Variants in LRRC37A2 observed in about 807,000 individuals in gnomAD.
LRRC37A2 encodes leucine-rich repeat-containing protein 37A2.
In LRRC37A2, 9 loss-of-function variants were observed where a neutral mutation model predicts 68.8. The ratio of observed to expected loss-of-function variants is 0.13; its 90% CI spans 0.08 to 0.23. LRRC37A2 has a LOEUF of 0.23. LRRC37A2 is among the 10% of genes least tolerant of loss of function. The probability of loss-of-function intolerance (pLI) is 1.00; values close to 1 mark genes in which losing one functional copy is unlikely to be tolerated. For missense variants in LRRC37A2, 168 were observed against 950.4 expected, an observed-to-expected ratio of 0.18 and a Z score of 10.82; for synonymous variants, 63 against 367.6, an observed-to-expected ratio of 0.17 and a Z score of 9.48.
At chr17:46,631,061 T>TACACACACACACACACACACAC in the LRRC37A2 span, among the ~76,000 whole-genome samples, 129 of 122,804 alleles carry the variant, frequency 1.1e-3, no homozygotes, top group Middle Eastern at 4.0e-3. Context: ...TCTCTCTCTG[T>TACACACACACACACACACACAC]ACACACACAC....
the LRRC37A2 span, chr17:46,930,907 G>T: frequency 3.3e-6 from 2 of 601,764 alleles, no homozygotes; most frequent in East Asian, 2.8e-5. Flanking sequence ...CTATATACAT[G>T]TACTTTTTTC....
At chr17:46,788,999 C>G in the LRRC37A2 span, among the ~76,000 whole-genome samples, 1 of 152,218 alleles carries the variant, frequency 6.6e-6, no homozygotes, top group African/African-American at 2.4e-5. Flanking sequence ...TGGCTGGGAG[C>G]TCACTCTTAG....
the LRRC37A2 span, among the ~76,000 whole-genome samples, chr17:46,922,307 G>C: frequency 6.6e-6 from 1 of 152,162 alleles, no homozygotes; most frequent in South Asian, 2.1e-4. Flanking sequence ...CACAGGAAGG[G>C]GGACATCACA....
At chr17:46,502,737 T>C in the LRRC37A2 span, among the ~76,000 whole-genome samples, 1 of 151,322 alleles carries the variant, frequency 6.6e-6, no homozygotes, top group Non-Finnish European at 1.5e-5. Flanking sequence ...GTTTTTGTTT[T>C]TGTTTCAGTG....
chr17:47,020,851 A>T, the LRRC37A2 span, among the ~76,000 whole-genome samples: 1 of 149,008 alleles, frequency 6.7e-6, no homozygotes, highest in African/African-American at 2.5e-5. Flanking sequence ...AGGTATATAT[A>T]ATTAAGTACT....
chr17:46,976,218 G>A, the LRRC37A2 span, among the ~76,000 whole-genome samples: 2 of 148,338 alleles, frequency 1.3e-5, no homozygotes, highest in Admixed American at 1.3e-4. Flanking sequence ...GAGCCACCAC[G>A]CCTGGCGATA....
At chr17:46,891,157 A>G in the LRRC37A2 span, among the ~76,000 whole-genome samples, 1 of 152,214 alleles carries the variant, frequency 6.6e-6, no homozygotes, top group African/African-American at 2.4e-5. Context: ...CCAGACCCTG[A>G]AATTCTGTGT....
At chr17:47,038,904 G>C in the LRRC37A2 span, among the ~76,000 whole-genome samples, 25 of 136,118 alleles carry the variant, frequency 1.8e-4, no homozygotes, top group African/African-American at 6.2e-4. Flanking sequence ...ATGTTTGCCA[G>C]GCTGGTCTCA....
At chr17:46,800,941 G>A in the LRRC37A2 span, among the ~76,000 whole-genome samples, 1 of 152,236 alleles carries the variant, frequency 6.6e-6, no homozygotes, top group Admixed American at 6.5e-5. Context: ...AAGGCAGGGG[G>A]TAGCACAGAG....
chr17:46,953,687 C>G, the LRRC37A2 span, among the ~76,000 whole-genome samples: 1 of 152,196 alleles, frequency 6.6e-6, no homozygotes, highest in African/African-American at 2.4e-5. Flanking sequence ...GTTCCTATTT[C>G]TCTCCAGCAG....
At chr17:47,036,511 T>TA in the LRRC37A2 span, among the ~76,000 whole-genome samples, 1 of 152,216 alleles carries the variant, frequency 6.6e-6, no homozygotes, top group Non-Finnish European at 1.5e-5. Context: ...CATCAATTCT[T>TA]ATAATTGTGT....
the LRRC37A2 span, among the ~76,000 whole-genome samples, chr17:46,858,007 G>A: frequency 6.6e-6 from 1 of 152,140 alleles, no homozygotes; most frequent in African/African-American, 2.4e-5. Flanking sequence ...TTGGCTAACT[G>A]CAACCTCCAC....
chr17:46,920,786 C>A, the LRRC37A2 span, among the ~76,000 whole-genome samples: 9 of 152,200 alleles, frequency 5.9e-5, no homozygotes, highest in African/African-American at 2.2e-4. Flanking sequence ...TTGGACTGAG[C>A]TCCTGCACTA....
the LRRC37A2 span, chr17:46,952,577 G>A: frequency 6.6e-6 from 1 of 152,150 alleles, no homozygotes; most frequent in Admixed American, 6.5e-5. Flanking sequence ...TCTGGGAAAG[G>A]GTTTCAAAAG....
In LRRC37A2 at chr17:46,549,738, AGT is replaced by A; in HGVS notation, c.4600_4601del (p.Val1534LysfsTer15). 1 of 425,388 alleles carries A rather than the reference AGT, an allele frequency of 2.4e-6. No homozygotes were observed. Among genetic ancestry groups the A allele is most frequent in the Non-Finnish European group, 3.9e-6 (1 of 257,782 alleles). The allele number at this position is 425,388 out of a possible 1,614,324, so 26.4% of individuals were successfully genotyped here. A position where few individuals can be genotyped will look rare whatever the true frequency, so the allele number is the denominator to read the frequency against. ...TGAAGCTTCTCAGTGGGCAGCAGGA[AGT>A]AAAGGCATCCAAGATAGAATGGGAT... On this transcript the variant is annotated frameshift_variant, in exon 10 of 15. Transcript: ENST00000576629. LOFTEE classifies it high-confidence loss of function.
the LRRC37A2 span, among the ~76,000 whole-genome samples, chr17:46,840,239 A>G: frequency 2.0e-5 from 3 of 151,816 alleles, no homozygotes; most frequent in Non-Finnish European, 2.9e-5. Context: ...GGTGCCCGAC[A>G]CCACGCCCGG....
chr17:46,823,724 GCCA>G, the LRRC37A2 span, among the ~76,000 whole-genome samples: 21 of 152,162 alleles, frequency 1.4e-4, no homozygotes, highest in East Asian at 4.1e-3. Context: ...ACAGGTGCAA[GCCA>G]CCATGCCTGG....
At chr17:46,989,122 T>C in the LRRC37A2 span, among the ~76,000 whole-genome samples, 70,813 of 152,048 alleles carry the variant, frequency 0.47, 17,173 homozygotes, top group Non-Finnish European at 0.54. Context: ...AAGGACTCCA[T>C]GCAGATTCTG....
chr17:46,751,899 G>T, the LRRC37A2 span, among the ~76,000 whole-genome samples: 1 of 152,148 alleles, frequency 6.6e-6, no homozygotes, highest in Non-Finnish European at 1.5e-5. Context: ...AAGAGCAGTC[G>T]TTCTTCTGCC....
Sources: gnomAD v4.1 joint callset for allele counts (sites outside exome capture counted in the v4.1 genomes callset) on GRCh38, gnomAD v4.1.1 for gene constraint, MANE v1.5 for transcripts, NCBI Gene and HGNC (gene_info 2026-07-23, HGNC 2026-07-21) for gene names.